Variants in ZNF112 observed in about 807,000 individuals in gnomAD.
The protein encoded by ZNF112 is zinc finger protein 112.
Under a neutral mutation model 77.7 loss-of-function variants are expected in ZNF112, and 37 were observed. That is an observed-to-expected ratio of 0.48 (90% CI 0.37 to 0.63). The LOEUF (loss-of-function observed/expected upper bound fraction) is 0.63, where lower values mean the gene tolerates loss of function less well. Ranked by LOEUF, ZNF112 falls within the 20% of genes least tolerant of loss-of-function variation. ZNF112 has a pLI of 0.00. For synonymous variants in ZNF112, 333 were observed against 363.6 expected (o/e 0.92, Z 0.96); for missense variants, 950 against 1,077.4 (o/e 0.88, Z 1.66).
At chr19:44,337,336 CATTTT>C (rs1970390291) in intron 2 of ZNF112, among the ~76,000 whole-genome samples, 1 of 82,322 alleles carries the variant, frequency 1.2e-5, no homozygotes, top group African/African-American at 4.7e-5. Context: ...AATATATATA[CATTTT>C]GTATATGTGT....
chr19:44,327,146 G>A lies in ZNF112; in HGVS notation c.*287C>T, dbSNP rs1281399237. 4 of 271,762 alleles carry A rather than the reference G, an allele frequency of 1.5e-5. No individual in the cohort carries two copies. Among genetic ancestry groups the A allele is most frequent in the South Asian group, 9.8e-5 (1 of 10,176 alleles). 16.8% of individuals were successfully genotyped at this position (271,762 alleles called of 1,614,324 possible). A position where few individuals can be genotyped will look rare whatever the true frequency, so the allele number is the denominator to read the frequency against. ...TGAACAAAGTCCCTTCTTTCACCAA[G>A]CTTACATTCTAGAGAACATGGATTT... On this transcript the variant is annotated 3_prime_UTR_variant, in exon 4 of 4. Transcript: ENST00000354340.
At chr19:44,341,065 C>A in intron 1 of ZNF112, 3 of 448,234 alleles carry the variant, frequency 6.7e-6, no homozygotes, top group South Asian at 4.8e-5. Flanking sequence ...GCTCTATGAT[C>A]TTGGACAAGT....
At chr19:44,334,886 C>G (rs1458178387) in intron 3 of ZNF112, among the ~76,000 whole-genome samples, 4 of 152,238 alleles carry the variant, frequency 2.6e-5, no homozygotes, top group Non-Finnish European at 4.4e-5. Context: ...AGAACCTCTA[C>G]TAGGTCAATG....
At chr19:44,336,115 T>A (rs1366426781) in intron 3 of ZNF112, among the ~76,000 whole-genome samples, 1 of 152,260 alleles carries the variant, frequency 6.6e-6, no homozygotes, top group Non-Finnish European at 1.5e-5. Context: ...TTTAGCTGAT[T>A]GGCTATTCTT....
Position 44,329,803 on chromosome 19 carries a change from T to C in ZNF112, c.354A>G (p.Lys118=). The change falls in exon 4 of 4, where the codon AAA becomes AAG. Residue 118 remains lysine (K), a synonymous_variant. Transcript: ENST00000354340. ...ACTGAGAATTCTTCCCTTGAAAAAC[T>C]TTCAGGAAATCTTGACACCTGATTA... ...GGLIRCQDFL[K]VFQGKNSQLQ... is the part of the protein sequence containing the mutation. 6.2e-7 allele frequency: 1 copy of C among 1,613,990 alleles called. No individual in the cohort carries two copies. The highest frequency in any genetic ancestry group is 8.5e-7 in the Non-Finnish European group (1 of 1,179,996).
chr19:44,343,337 C>G (rs1342856670), intron 1 of ZNF112: 1 of 1,529,240 alleles, frequency 6.5e-7, no homozygotes, highest in Admixed American at 1.8e-5. Flanking sequence ...CGAAAGAAGC[C>G]ATGATTAAAA....
chr19:44,342,357 T>C (rs537979541), intron 1 of ZNF112, among the ~76,000 whole-genome samples: 2 of 152,230 alleles, frequency 1.3e-5, no homozygotes, highest in Non-Finnish European at 2.9e-5. Flanking sequence ...AGACATCACT[T>C]AGGAGAAAAT....
At chr19:44,339,048 G>A (rs757905033) in intron 2 of ZNF112, among the ~76,000 whole-genome samples, 1 of 152,156 alleles carries the variant, frequency 6.6e-6, no homozygotes, top group Non-Finnish European at 1.5e-5. Context: ...GCAACAGAGT[G>A]AGACTCTGTC....
intron 3 of ZNF112, 55 bp downstream of exon 3, chr19:44,336,568 C>T (rs1970370180): frequency 1.4e-6 from 2 of 1,437,320 alleles, no homozygotes; most frequent in South Asian, 2.3e-5. Context: ...TGTGTTCTGA[C>T]TCATGTTCTA....
Position 44,329,193 on chromosome 19 carries a change from C to T in ZNF112, c.964G>A (p.Glu322Lys). ...TATTCACCACATTTGCATGGTTTCT[C>T]CTCTGTATGCACTCTCTGATAGGAT... ...LKSYQRVHTE[E>K]KPCKCGEYGE... Residue 322 changes from glutamate (E) to lysine (K), a missense_variant, in exon 4 of 4, where the codon GAG (glutamate) becomes AAG (lysine). By Grantham distance (56) the Glu-to-Lys change is moderately conservative. Coordinates refer to ENST00000354340, the MANE Select transcript of ZNF112 (RefSeq NM_013380.4). 1 of 1,613,850 alleles carries T rather than the reference C, an allele frequency of 6.2e-7. No individual in the cohort carries two copies.
Position 44,327,688 on chromosome 19 carries a change from T to C in ZNF112, c.2469A>G (p.Gly823=). 6.2e-7 allele frequency: 1 copy of C among 1,613,912 alleles called. No individual in the cohort carries two copies. The highest frequency in any genetic ancestry group is 8.5e-7 in the Non-Finnish European group (1 of 1,179,940). Residue 823 remains glycine, a synonymous_variant, in exon 4 of 4, where the codon GGA becomes GGG. Coordinates refer to ENST00000354340, the MANE Select transcript of ZNF112 (RefSeq NM_013380.4). ...SLQAHHRVHT[G]EKPYKCEVCG... is the part of the protein sequence containing the mutation. ...ATACCTCACATTTGTATGGTTTCTC[T>C]CCTGTGTGGACTCTGTGATGGGCTT...
At chr19:44,329,959 G>C (rs776249296) in intron 3 of ZNF112, 23 bp from the exon 4 acceptor site, 2 of 1,559,286 alleles carry the variant, frequency 1.3e-6, no homozygotes, top group Admixed American at 3.6e-5. Context: ...AGAGAATTCA[G>C]ATGTGCACGA....
At position 44,329,177 on chromosome 19, in the gene ZNF112, C is replaced by T. The variant is rs934761990; in HGVS notation, c.980G>A (p.Cys327Tyr). 2.5e-6 allele frequency: 4 copies of T among 1,613,914 alleles called. No homozygotes were observed. The highest frequency in any genetic ancestry group is 3.4e-6 in the Non-Finnish European group (4 of 1,179,996). The change falls in exon 4 of 4, where the codon TGT (cysteine) becomes TAT (tyrosine). Residue 327 changes from cysteine to tyrosine, a missense_variant. Transcript: ENST00000354340. ...RVHTEEKPCK[C>Y]GEYGENFNHC... Reference sequence around the variant, plus strand: ...ATTGAAGTTCTCACCATATTCACCACATTTGCATGGTTTCTCCTCTGTATG... The same window carrying T: ...ATTGAAGTTCTCACCATATTCACCATATTTGCATGGTTTCTCCTCTGTATG...
At chr19:44,358,323 A>T (rs1170383471), upstream of ZNF112, among the ~76,000 whole-genome samples, 2 of 152,180 alleles carry the variant, frequency 1.3e-5, no homozygotes, top group African/African-American at 4.8e-5. Context: ...TAAAAATAAA[A>T]GGGACAGAAT....
intron 3 of ZNF112, among the ~76,000 whole-genome samples, chr19:44,330,965 A>G (rs1375405137): frequency 6.6e-6 from 1 of 152,194 alleles, no homozygotes; most frequent in Non-Finnish European, 1.5e-5. Flanking sequence ...TGAAGAAGGT[A>G]AATACAGACT....
At chr19:44,343,895 G>T (rs571128429) in intron 1 of ZNF112, among the ~76,000 whole-genome samples, 1 of 152,262 alleles carries the variant, frequency 6.6e-6, no homozygotes, top group Admixed American at 6.5e-5. Context: ...AAGACATCTG[G>T]ACAGCAGAGA....
chr19:44,363,150 T>G (rs4614843), intron 1 of ZNF112, among the ~76,000 whole-genome samples: 1 of 151,544 alleles, frequency 6.6e-6, no homozygotes, highest in South Asian at 2.1e-4. Context: ...TTTTTTTTTT[T>G]TGCAAAGATG....
rs1378942506 is a variant in ZNF112, at chr19:44,329,616, A to G, written c.541T>C (p.Tyr181His). The change falls in exon 4 of 4, where the codon TAT becomes CAT. Residue 181 changes from tyrosine (Y) to histidine (H), a missense_variant. Physicochemically the swap from Tyr to His is moderately conservative, Grantham distance 83 (BLOSUM62 2). This residue lies in a region of ZNF112 where 560 missense variants were observed against 557.3 expected (regional missense o/e 1.00). Coordinates refer to ENST00000354340, the MANE Select transcript of ZNF112 (RefSeq NM_013380.4). ...WRAHHSWRKM[Y>H]LKESHNYQCR... is the part of the protein sequence containing the mutation. ...TGATAATTATGTGACTCTTTCAGAT[A>G]CATTTTCCTCCAAGAATGATGTGCC... 6.2e-7 allele frequency: 1 copy of G among 1,614,046 alleles called. No individual in the cohort carries two copies. The highest frequency in any genetic ancestry group is 1.3e-5 in the African/African-American group (1 of 74,940).
chr19:44,340,591 C>T (rs761895589), intron 1 of ZNF112, 49 bp from the exon 2 acceptor site: 2 of 1,612,596 alleles, frequency 1.2e-6, no homozygotes, highest in East Asian at 2.2e-5. Flanking sequence ...AAGGGCAGTG[C>T]TGAGAAGGTG....
Sources: allele counts gnomAD v4.1 joint callset (sites outside exome capture counted in the v4.1 genomes callset), GRCh38; gene constraint gnomAD v4.1.1; regional missense constraint gnomAD v4.1.1; transcripts MANE v1.5; gene names NCBI Gene and HGNC (gene_info 2026-07-23, HGNC 2026-07-21).